The following PDGFA variants were observed in gnomAD, a reference collection of about 807,000 sequenced individuals.
PDGFA encodes platelet derived growth factor subunit A.
PDGFA carries 9 observed loss-of-function variants against 25.6 expected under a neutral mutation model. The ratio of observed to expected loss-of-function variants is 0.35; its 90% CI spans 0.21 to 0.61. PDGFA has a LOEUF of 0.61. PDGFA is among the 20% of genes least tolerant of loss of function. The pLI, the probability that PDGFA is intolerant of heterozygous loss-of-function variation, is 0.75. For synonymous variants in PDGFA, 133 were observed against 111.8 expected (o/e 1.19, Z -1.20); for missense variants, 242 against 272.8 (o/e 0.89, Z 0.79).
At position 518,595 on chromosome 7, in the gene PDGFA, TCA is replaced by T. The variant is rs1333224326; in HGVS notation, c.63+342_63+343del. On this transcript the variant is annotated intron_variant, in intron 1 of 5. Transcript: ENST00000402802. ...TCTCTCCTCCCCAGGCTCCGCCGGC[TCA>T]CACACACCCCCTTCCCCGCTCCCCG... 2.1e-5 allele frequency: 6 copies of T among 281,486 alleles called. No individual in the cohort carries two copies. The Admixed American group carries it at 2.7e-4, about 13-fold the overall frequency. The allele number at this position is 281,486 out of a possible 1,614,324, so 17.4% of individuals were successfully genotyped here. A position where few individuals can be genotyped will look rare whatever the true frequency, so the allele number is the denominator to read the frequency against.
At position 512,718 on chromosome 7, in the gene PDGFA, C is replaced by G. The variant is rs1236806546; in HGVS notation, c.161-263G>C. The G allele has an allele frequency of 4.5e-6, 6 of 1,325,758 alleles. No individual in the cohort carries two copies. The South Asian group carries it at 7.2e-5, about 16-fold the overall frequency. 82.1% of individuals were successfully genotyped at this position (1,325,758 alleles called of 1,614,324 possible). A position where few individuals can be genotyped will look rare whatever the true frequency, so the allele number is the denominator to read the frequency against. On this transcript the variant is annotated intron_variant, in intron 2 of 5. Transcript: ENST00000402802. ...ACAGAGGTCCCCACATTCAGGGGCC[C>G]GTGACGAAGCGCAGGGCCCTTCGGG...
intron 2 of PDGFA, chr7:512,675 A>G (rs545672402): frequency 6.7e-7 from 1 of 1,487,670 alleles, no homozygotes; most frequent in African/African-American, 1.4e-5. Flanking sequence ...TGGAAACCGC[A>G]GAAAACGCCC....
chr7:502,389 C>T (rs1250303277), intron 4 of PDGFA, among the ~76,000 whole-genome samples: 1 of 152,156 alleles, frequency 6.6e-6, no homozygotes, highest in Non-Finnish European at 1.5e-5. Flanking sequence ...GCCAGCAGAC[C>T]CATACCCAGG....
At position 517,385 on chromosome 7, in the gene PDGFA, G is replaced by C; in HGVS notation, c.160+9C>G. 1 of 1,337,788 alleles carries C rather than the reference G, an allele frequency of 7.5e-7. No individual in the cohort carries two copies. Among genetic ancestry groups the C allele is most frequent in the Non-Finnish European group, 9.8e-7 (1 of 1,019,044 alleles). The allele number at this position is 1,337,788 out of a possible 1,614,324, so 82.9% of individuals were successfully genotyped here. A position where few individuals can be genotyped will look rare whatever the true frequency, so the allele number is the denominator to read the frequency against. The stretch of plus-strand genomic sequence containing the variant: ...CTCCCCGCGCGCGGAGGGAAGGGGC[G>C]CGATTTACCTACGGAGTCTATCTCC... On this transcript the variant is annotated intron_variant, in intron 2 of 5. Transcript: ENST00000402802. This position sits in a 1 kb window ranked among gnomAD's most constrained non-coding sequence, Gnocchi z 7.4.
chr7:508,161 C>A (rs1057502223), intron 4 of PDGFA, among the ~76,000 whole-genome samples: 48 of 152,250 alleles, frequency 3.2e-4, no homozygotes, highest in Admixed American at 2.9e-3. Flanking sequence ...AACCTTCTCC[C>A]CGCCGCCCCA....
intron 4 of PDGFA, among the ~76,000 whole-genome samples, chr7:505,607 C>A (rs747178654): frequency 6.6e-6 from 1 of 152,176 alleles, no homozygotes; most frequent in African/African-American, 2.4e-5. Context: ...CTGACTGGAC[C>A]GCACGTGCCC....
intron 5 of PDGFA, 134 bp from the exon 6 acceptor site, chr7:498,708 T>C: frequency 1.2e-6 from 1 of 836,106 alleles, no homozygotes; most frequent in Non-Finnish European, 2.0e-6. Flanking sequence ...TTTCAAGTTT[T>C]CAAGAAATTT....
At chr7:510,140 G>C (rs1187236041) in intron 4 of PDGFA, among the ~76,000 whole-genome samples, 1 of 152,158 alleles carries the variant, frequency 6.6e-6, no homozygotes, top group Non-Finnish European at 1.5e-5. Context: ...TAAGCAGCTC[G>C]ACACCTCGCA....
At position 506,175 on chromosome 7, in the gene PDGFA, C is replaced by CAAAAAAAAAAAAAA. The variant is rs34159199; in HGVS notation, c.453+4620_453+4633dup. ...TGGGCAACAGAGTGAGACTCTGTCT[C>CAAAAAAAAAAAAAA]AAAAAAAAAAAAAAAATCCCTCAAG... On this transcript the variant is annotated intron_variant, in intron 4 of 5. Coordinates refer to ENST00000402802, the Ensembl canonical transcript of PDGFA. 9.3e-4 allele frequency among the ~76,000 whole-genome samples: 100 copies of CAAAAAAAAAAAAAA among 107,272 alleles called. 2 individuals are homozygous for CAAAAAAAAAAAAAA. Among genetic ancestry groups the CAAAAAAAAAAAAAA allele is most frequent in the African/African-American group, 2.9e-3 (80 of 27,592 alleles). 70.4% of individuals were successfully genotyped at this position (107,272 alleles called of 152,430 possible).
chr7:500,909 G>A lies in PDGFA; in HGVS notation c.580+207C>T, dbSNP rs763623344. 4.4e-6 allele frequency: 7 copies of A among 1,585,502 alleles called. No individual in the cohort carries two copies. Among genetic ancestry groups the A allele is most frequent in the Non-Finnish European group, 6.0e-6 (7 of 1,173,198 alleles). Reference sequence around the variant, plus strand: ...CCTCTCCTGCCAGTGCCGCAGCTTGGGCCACCCTCCCCACCGGACACCTGC... The same window carrying A: ...CCTCTCCTGCCAGTGCCGCAGCTTGAGCCACCCTCCCCACCGGACACCTGC... On this transcript the variant is annotated intron_variant, in intron 5 of 5. Coordinates refer to ENST00000402802, the Ensembl canonical transcript of PDGFA. The surrounding 1 kb of genome is among the most constrained non-coding windows in gnomAD (Gnocchi z 5.0).
chr7:502,362 C>CA (rs1554273795), intron 4 of PDGFA, among the ~76,000 whole-genome samples: 46 of 151,140 alleles, frequency 3.0e-4, no homozygotes, highest in African/African-American at 1.0e-3. Flanking sequence ...ACCTCCCCGC[C>CA]GGCCCCAGGC....
intron 2 of PDGFA, among the ~76,000 whole-genome samples, chr7:515,460 CTG>C (rs1200533737): frequency 1.3e-5 from 2 of 152,340 alleles, no homozygotes; most frequent in South Asian, 2.1e-4. Flanking sequence ...AGGCGAGAGA[CTG>C]TGGGTTTCTC....
In PDGFA at chr7:517,335, G is replaced by T; in HGVS notation, c.160+59C>A. 1 of 764,636 alleles carries T rather than the reference G, an allele frequency of 1.3e-6. No individual in the cohort carries two copies. Among genetic ancestry groups the T allele is most frequent in the Non-Finnish European group, 1.8e-6 (1 of 550,594 alleles). 47.4% of individuals were successfully genotyped at this position (764,636 alleles called of 1,614,324 possible). On this transcript the variant is annotated intron_variant, in intron 2 of 5. Transcript: ENST00000402802. This position sits in a 1 kb window ranked among gnomAD's most constrained non-coding sequence, Gnocchi z 7.4. ...GGCGCCCCGCCCGGCCCCAGCTCGG[G>T]GCGCACAGGCCGCCCGCCCGCGCCC...
chr7:518,011 GCAGA>G (rs1216980307), intron 1 of PDGFA, among the ~76,000 whole-genome samples: 3 of 151,980 alleles, frequency 2.0e-5, no homozygotes, highest in African/African-American at 4.8e-5. Flanking sequence ...GCACGCGCGC[GCAGA>G]CACACACACG....
intron 4 of PDGFA, among the ~76,000 whole-genome samples, chr7:508,043 T>C (rs1286353266): frequency 6.6e-6 from 1 of 152,004 alleles, no homozygotes; most frequent in Non-Finnish European, 1.5e-5. Flanking sequence ...ACCCAGCACC[T>C]CAGAGGACCA....
chr7:504,305 G>T (rs1420975108), intron 4 of PDGFA, among the ~76,000 whole-genome samples: 1 of 152,052 alleles, frequency 6.6e-6, no homozygotes, highest in East Asian at 1.9e-4. Context: ...GAGAGGCCCG[G>T]CCCGAGGATG....
chr7:507,738 G>A (rs552194436), intron 4 of PDGFA, among the ~76,000 whole-genome samples: 2 of 152,296 alleles, frequency 1.3e-5, no homozygotes, highest in Admixed American at 1.3e-4. Flanking sequence ...GGATGCCAAG[G>A]CCCACCGAAA....
At chr7:512,418 G>A (rs775652065) in exon 3 of PDGFA, 54 of 1,613,648 alleles carry the variant, frequency 3.3e-5, no homozygotes, top group South Asian at 4.4e-5. Flanking sequence ...CATGGACCCC[G>A]TGAGCTCTCA....
intron 4 of PDGFA, among the ~76,000 whole-genome samples, chr7:505,330 G>A (rs767360106): frequency 1.4e-4 from 21 of 152,150 alleles, no homozygotes; most frequent in Admixed American, 7.2e-4. Flanking sequence ...CAGACATTCC[G>A]ATTCCCCACG....
Sources: allele counts gnomAD v4.1 joint callset (sites outside exome capture counted in the v4.1 genomes callset), GRCh38; gene constraint gnomAD v4.1.1; non-coding constraint Gnocchi (gnomAD v3.1); transcripts MANE v1.5; gene names NCBI Gene and HGNC (gene_info 2026-07-23, HGNC 2026-07-21).